SLC6A18: variants seen among roughly 807,000 people sequenced by gnomAD.
SLC6A18 encodes inactive sodium-dependent neutral amino acid transporter B(0)AT3.
A neutral mutation model predicts 62.9 loss-of-function variants in SLC6A18; 58 were observed. The ratio of observed to expected loss-of-function variants is 0.92; its 90% confidence interval spans 0.75 to 1.15. The LOEUF (loss-of-function observed/expected upper bound fraction) is 1.15, where lower values mean the gene tolerates loss of function less well. Among genes scored for constraint, SLC6A18 ranks in the 50% most tolerant of loss-of-function variants. The pLI, the probability that SLC6A18 is intolerant of heterozygous loss-of-function variation, is 0.00. For synonymous variants in SLC6A18, 382 were observed against 365.8 expected, an observed-to-expected ratio of 1.04 and a Z score of -0.51; for missense variants, 793 against 836.6, an observed-to-expected ratio of 0.95 and a Z score of 0.64.
chr5:1,236,287 T>G (rs922750795), intron 4 of SLC6A18, among the ~76,000 whole-genome samples: 3 of 152,242 alleles, frequency 2.0e-5, no homozygotes, highest in Non-Finnish European at 4.4e-5. Context: ...TATCATTAAG[T>G]GATCTTGGGG....
Position 1,235,500 on chromosome 5 carries a change from G to C in SLC6A18, c.459G>C (p.Gln153His). 1 of 1,613,948 alleles carries C rather than the reference G, an allele frequency of 6.2e-7. No homozygotes were observed. Among genetic ancestry groups the C allele is most frequent in the Non-Finnish European group, 8.5e-7 (1 of 1,179,948 alleles). ...TTTCAGGGTTTGTGGAGGAGTGCCA[G>C]GGCAGCAGCGCCGTGAGCTACTTCT... ...LNRTGFVEECQGSSAVSYFWY... is the reference protein window; with the variant it reads ...LNRTGFVEECHGSSAVSYFWY... The change falls in exon 4 of 12, where the codon CAG (glutamine) becomes CAC (histidine). Residue 153 changes from glutamine to histidine, a missense_variant. By Grantham distance (24) the Gln-to-His change is conservative. Transcript: ENST00000324642.
rs973102094 is a variant in SLC6A18 at position 1,241,737 on chromosome 5, G to A, written c.975-970G>A. On this transcript the variant is annotated intron_variant, in intron 7 of 11. Transcript: ENST00000324642. The surrounding 1 kb of genome is among the most constrained non-coding windows in gnomAD (Gnocchi z 7.8). ...TGGGCTTTGTTCAGCCCCAGCCGGG[G>A]ACGTGCATGGCGGGCAACTCTGATT... Among the ~76,000 whole-genome samples the A allele has an allele frequency of 2.0e-5, 3 of 152,234 alleles. No homozygotes were observed. The highest frequency in any genetic ancestry group is 4.4e-5 in the Non-Finnish European group (3 of 68,044).
rs1561181648 is a variant in SLC6A18, at chr5:1,244,609, T to A, written c.1498T>A (p.Phe500Ile). The change falls in exon 11 of 12, where the codon TTC becomes ATC. Residue 500 changes from phenylalanine (F) to isoleucine (I), a missense_variant and splice_region_variant. Phe to Ile is a conservative substitution (Grantham distance 21). Coordinates refer to ENST00000324642, the MANE Select transcript of SLC6A18 (RefSeq NM_182632.3). ...GVVYVYGMKR[F>I]CDDIAWMTGR... Reference sequence around the variant, plus strand: ...GCCTGAGCCCAGCATCTGGTGCAGGTTCTGCGATGACATTGCGTGGATGAC... The same window carrying A: ...GCCTGAGCCCAGCATCTGGTGCAGGATCTGCGATGACATTGCGTGGATGAC... The A allele has an allele frequency of 1.9e-6, 3 of 1,593,606 alleles. No individual in the cohort carries two copies. In the South Asian group the frequency reaches 3.4e-5, roughly 18 times the overall value.
At chr5:1,240,871 A>G (rs2126539361) in intron 7 of SLC6A18, among the ~76,000 whole-genome samples, 1 of 152,342 alleles carries the variant, frequency 6.6e-6, no homozygotes, top group South Asian at 2.1e-4. Context: ...GTAATTAAGT[A>G]GGATCGGTCT....
chr5:1,243,857 A>G lies in SLC6A18; in HGVS notation c.1336+98A>G. ...GACGCCCCTCCTGGATGGAGAGCGC[A>G]AGGGGCCAAGCCTGAGTTCAGGGAA... On this transcript the variant is annotated intron_variant, in intron 9 of 11. Transcript: ENST00000324642. The surrounding 1 kb of genome is among the most constrained non-coding windows in gnomAD (Gnocchi z 6.5). 1 of 1,171,886 alleles carries G rather than the reference A, an allele frequency of 8.5e-7. No individual in the cohort carries two copies. The allele number at this position is 1,171,886 out of a possible 1,614,324, so 72.6% of individuals were successfully genotyped here.
At chr5:1,232,389 G>A (rs1746755949) in intron 2 of SLC6A18, 30 bp downstream of exon 2, 1 of 1,593,518 alleles carries the variant, frequency 6.3e-7, no homozygotes, top group Non-Finnish European at 8.6e-7. Flanking sequence ...TGCCCTGACT[G>A]AGGCTGCCAG....
chr5:1,239,825 T>C (rs111571697), intron 6 of SLC6A18, among the ~76,000 whole-genome samples: 5,452 of 152,304 alleles, frequency 0.036, 353 homozygotes, highest in African/African-American at 0.13. Context: ...CGTGGGGCCA[T>C]AAAAGCCTCA....
intron 5 of SLC6A18, among the ~76,000 whole-genome samples, chr5:1,239,118 C>A (rs540469048): frequency 1.3e-5 from 2 of 152,256 alleles, no homozygotes; most frequent in African/African-American, 4.8e-5. Flanking sequence ...CAGAACCGCC[C>A]GGTTAGAGAG....
At chr5:1,230,227 G>A (rs1176918639) in intron 1 of SLC6A18, among the ~76,000 whole-genome samples, 1 of 152,102 alleles carries the variant, frequency 6.6e-6, no homozygotes, top group Non-Finnish European at 1.5e-5. Context: ...TCACGGTACA[G>A]GCTGGAGGTG....
chr5:1,233,896 C>G (rs530659090), intron 3 of SLC6A18, among the ~76,000 whole-genome samples: 2 of 152,080 alleles, frequency 1.3e-5, no homozygotes, highest in African/African-American at 4.8e-5. Flanking sequence ...CGCCTGCCAC[C>G]AGGCCTGGCT....
rs34614851 is a variant in SLC6A18 at position 1,243,181 on chromosome 5, A to G, written c.1131+318A>G. Among the ~76,000 whole-genome samples the G allele has an allele frequency of 7.8e-3, 1,193 of 152,284 alleles. 21 individuals are homozygous for G. The highest frequency in any genetic ancestry group is 0.027 in the African/African-American group (1,106 of 41,562). On this transcript the variant is annotated intron_variant, in intron 8 of 11. Transcript: ENST00000324642. The surrounding 1 kb of genome is among the most constrained non-coding windows in gnomAD (Gnocchi z 6.5). ...AGCATGAGGGTCACAGTGCCAGGGC[A>G]TGGCTGGGGTCAAGCCACACTCAGG... is the stretch of plus-strand genomic sequence containing the variant.
chr5:1,245,555 G>A (rs937883422), intron 11 of SLC6A18, among the ~76,000 whole-genome samples: 2 of 152,188 alleles, frequency 1.3e-5, no homozygotes, highest in African/African-American at 4.8e-5. Context: ...GGCCTCCAAC[G>A]ACGCCCAATG....
chr5:1,232,733 C>T lies in SLC6A18; in HGVS notation c.302-18C>T. ...GGGAAGGAGCCCCGGGGCCACCTGA[C>T]ATGGTCCCTGTCCACAGGGCTGGGC... is the stretch of plus-strand genomic sequence containing the variant. On this transcript the variant is annotated intron_variant, in intron 2 of 11. Transcript: ENST00000324642. 5 of 1,597,112 alleles carry T rather than the reference C, an allele frequency of 3.1e-6. No individual in the cohort carries two copies. The highest frequency in any genetic ancestry group is 4.3e-6 in the Non-Finnish European group (5 of 1,170,160).
intron 7 of SLC6A18, among the ~76,000 whole-genome samples, chr5:1,242,141 C>T (rs931830312): frequency 7.9e-5 from 12 of 152,206 alleles, no homozygotes; most frequent in Non-Finnish European, 1.3e-4. Context: ...GTCTGCAGGG[C>T]GGCCCCACAG....
chr5:1,232,185 C>T (rs1746746540), intron 1 of SLC6A18, 34 bp from the exon 2 acceptor site: 1 of 1,597,338 alleles, frequency 6.3e-7, no homozygotes, highest in Non-Finnish European at 8.5e-7. Context: ...CAGCCCCCGA[C>T]CCTGGGCAGG....
chr5:1,232,309 A>T lies in SLC6A18; in HGVS notation c.251A>T (p.Lys84Met), dbSNP rs759265635. ...CTCGCCATCGGCCAGCGGCTGCGGA[A>T]GGGCAGCGTCGGCGTGTGGACGGCC... ...VELAIGQRLR[K>M]GSVGVWTAIS... is the part of the protein sequence containing the mutation. Residue 84 changes from lysine to methionine, a missense_variant, in exon 2 of 12, where the codon AAG becomes ATG. Physicochemically the swap from Lys to Met is moderately conservative, Grantham distance 95. Transcript: ENST00000324642. 1.2e-5 allele frequency: 19 copies of T among 1,612,364 alleles called. No individual in the cohort carries two copies. In the Admixed American group the frequency reaches 2.3e-4, roughly 20 times the overall value.
intron 1 of SLC6A18, among the ~76,000 whole-genome samples, chr5:1,230,285 C>T (rs922408702): frequency 5.3e-5 from 8 of 152,122 alleles, no homozygotes; most frequent in Non-Finnish European, 8.8e-5. Flanking sequence ...ACATGGGAGC[C>T]TGGCCCTGAG....
rs1747046546 is a variant in SLC6A18 at position 1,241,053 on chromosome 5, C to T, written c.974+394C>T. 6.6e-6 allele frequency among the ~76,000 whole-genome samples: 1 copy of T among 152,166 alleles called. No homozygotes were observed. The highest frequency in any genetic ancestry group is 2.4e-5 in the African/African-American group (1 of 41,444). ...GAAGAGGCGGGAGGAGTCTCCCGTG[C>T]AGGCTCAGGAGGGGCGCGGCCTGGC... On this transcript the variant is annotated intron_variant, in intron 7 of 11. Transcript: ENST00000324642. The surrounding 1 kb of genome is among the most constrained non-coding windows in gnomAD (Gnocchi z 7.8).
rs1297844159 is a variant in SLC6A18 at position 1,241,614 on chromosome 5, C to G, written c.974+955C>G. ...ACAAAAGTGGAAAACATGGCACTCACAGGCCACAGAAGGGACAGTGTTTTA... is the reference window on the plus strand; with the variant it reads ...ACAAAAGTGGAAAACATGGCACTCAGAGGCCACAGAAGGGACAGTGTTTTA... On this transcript the variant is annotated intron_variant, in intron 7 of 11. Coordinates refer to ENST00000324642, the MANE Select transcript of SLC6A18 (RefSeq NM_182632.3). The surrounding 1 kb of genome is among the most constrained non-coding windows in gnomAD (Gnocchi z 7.8). Among the ~76,000 whole-genome samples the G allele has an allele frequency of 6.6e-6, 1 of 152,104 alleles. No individual in the cohort carries two copies. The highest frequency in any genetic ancestry group is 2.4e-5 in the African/African-American group (1 of 41,418).
Sources: allele counts gnomAD v4.1 joint callset (sites outside exome capture counted in the v4.1 genomes callset), GRCh38; gene constraint gnomAD v4.1.1; non-coding constraint Gnocchi (gnomAD v3.1); transcripts MANE v1.5; gene names NCBI Gene and HGNC (gene_info 2026-07-23, HGNC 2026-07-21).